The following TNNI3K variants were observed in gnomAD, a reference collection of about 807,000 sequenced individuals.
The protein encoded by TNNI3K is serine/threonine-protein kinase TNNI3K.
Under a neutral mutation model 114.5 loss-of-function variants are expected in TNNI3K, and 140 were observed. That is an observed-to-expected ratio of 1.22 (90% CI 1.07 to 1.41). TNNI3K has a LOEUF of 1.41. Ranked by LOEUF, TNNI3K falls within the 40% of genes most tolerant of loss-of-function variation. The probability of loss-of-function intolerance (pLI) is 0.00; values close to 1 mark genes in which losing one functional copy is unlikely to be tolerated. For missense variants in TNNI3K, 1,125 were observed against 1,007.6 expected, an observed-to-expected ratio of 1.12 and a Z score of -1.58; for synonymous variants, 347 against 347.5, an observed-to-expected ratio of 1.00 and a Z score of 0.02.
intron 4 of TNNI3K, among the ~76,000 whole-genome samples, chr1:74,253,750 C>G (rs1655105140): frequency 6.6e-6 from 1 of 152,144 alleles, no homozygotes; most frequent in Non-Finnish European, 1.5e-5. Flanking sequence ...TCCCCGCAGG[C>G]CGAGGGAGCC....
intron 17 of TNNI3K, among the ~76,000 whole-genome samples, chr1:74,410,046 A>G (rs571402610): frequency 1.4e-3 from 216 of 152,304 alleles, no homozygotes; most frequent in South Asian, 2.7e-3. Context: ...AAAGATAGTT[A>G]AGCTGCAAGA....
At chr1:74,255,901 C>A (rs148781294) in intron 4 of TNNI3K, among the ~76,000 whole-genome samples, 2 of 152,246 alleles carry the variant, frequency 1.3e-5, no homozygotes, top group South Asian at 4.1e-4. Flanking sequence ...TATATGGTTT[C>A]TTGCACTTAT....
intron 17 of TNNI3K, among the ~76,000 whole-genome samples, chr1:74,378,298 T>C (rs1053972658): frequency 5.9e-5 from 9 of 151,980 alleles, no homozygotes; most frequent in African/African-American, 2.2e-4. Context: ...TATTAATATT[T>C]ACAATATGAA....
intron 5 of TNNI3K, among the ~76,000 whole-genome samples, chr1:74,321,766 A>G (rs1274478833): frequency 6.6e-6 from 1 of 152,110 alleles, no homozygotes; most frequent in Non-Finnish European, 1.5e-5. Context: ...GAGAAAGATC[A>G]CATAAAAAGA....
chr1:74,259,007 A>G (rs1186996176), intron 4 of TNNI3K, among the ~76,000 whole-genome samples: 2 of 152,226 alleles, frequency 1.3e-5, no homozygotes, highest in African/African-American at 4.8e-5. Context: ...TCACATGATC[A>G]GTAGCATCCA....
intron 23 of TNNI3K, among the ~76,000 whole-genome samples, chr1:74,526,132 T>C (rs1646501849): frequency 6.6e-6 from 1 of 152,192 alleles, no homozygotes; most frequent in South Asian, 2.1e-4. Context: ...GTTCTGCATG[T>C]TCAAAGAGTT....
At chr1:74,429,964 G>A (rs274576) in intron 17 of TNNI3K, among the ~76,000 whole-genome samples, 4,602 of 152,142 alleles carry the variant, frequency 0.03, 94 homozygotes, top group East Asian at 0.073. Context: ...AAATAAGGAC[G>A]CTGAGAGGTT....
At chr1:74,290,329 G>GA (rs574804699) in intron 5 of TNNI3K, among the ~76,000 whole-genome samples, 2 of 149,760 alleles carry the variant, frequency 1.3e-5, no homozygotes, top group African/African-American at 4.9e-5. Context: ...ATTTGTAATT[G>GA]AAAAAAACCC....
At chr1:74,244,294 G>C (rs564735792) in intron 2 of TNNI3K, among the ~76,000 whole-genome samples, 2 of 152,024 alleles carry the variant, frequency 1.3e-5, no homozygotes, top group African/African-American at 4.8e-5. Context: ...TGAGTTCAAG[G>C]AGGATATAAT....
At position 74,436,062 on chromosome 1, in the gene TNNI3K, T is replaced by C. The variant is rs765726629; in HGVS notation, c.1773-18T>C. The C allele has an allele frequency of 2.9e-5, 46 of 1,569,630 alleles. No homozygotes were observed. The African/African-American group carries it at 3.9e-4, about 13-fold the overall frequency. ...AAGCTTACTCAATGTCTACTTTTTT[T>C]TTTTTTTTTTTTTACAGTCACAATA... On this transcript the variant is annotated intron_variant, in intron 17 of 24. Coordinates refer to ENST00000326637, the MANE Select transcript of TNNI3K (RefSeq NM_015978.3).
Position 74,395,342 on chromosome 1 carries a change from C to CAG in TNNI3K, c.1772+24950_1772+24951insAG, listed in dbSNP as rs1553141047. Among the ~76,000 whole-genome samples, 195 of 152,038 alleles carry CAG rather than the reference C, an allele frequency of 1.3e-3. 1 individual carries two copies. The highest frequency in any genetic ancestry group is 4.3e-3 in the African/African-American group (179 of 41,466). On this transcript the variant is annotated intron_variant, in intron 17 of 24. Transcript: ENST00000326637. ...GACCTGGTGGCCTATATGGGGAACT[C>CAG]TGCCTGCATGGAGTGGGACTCCAGC...
At chr1:74,291,188 C>T (rs1657656304) in intron 5 of TNNI3K, among the ~76,000 whole-genome samples, 2 of 151,480 alleles carry the variant, frequency 1.3e-5, no homozygotes, top group South Asian at 4.1e-4. Context: ...CCTTTGCTTT[C>T]CTAGATATTA....
Position 74,439,543 on chromosome 1 carries a change from C to G in TNNI3K, c.1932C>G (p.Ile644Met). The G allele has an allele frequency of 6.2e-7, 1 of 1,613,526 alleles. No individual in the cohort carries two copies. Residue 644 changes from isoleucine to methionine, a missense_variant, in exon 20 of 25, where the codon ATC becomes ATG. Ile to Met is a conservative substitution (Grantham distance 10). Transcript: ENST00000326637. ...TCACGCAGTGCACTCGGTACACCAT[C>G]AAAGCAGATGTCTTCAGCTATGCTC... is the stretch of plus-strand genomic sequence containing the variant. ...EVFTQCTRYT[I>M]KADVFSYALC...
intron 21 of TNNI3K, chr1:74,480,134 A>G (rs1226339569): frequency 2.0e-5 from 14 of 705,836 alleles, no homozygotes; most frequent in Non-Finnish European, 3.7e-5. Context: ...AGAGGAGGGC[A>G]CACTTCTCCC....
chr1:74,361,115 G>A (rs1339754993), intron 11 of TNNI3K, among the ~76,000 whole-genome samples: 1 of 151,990 alleles, frequency 6.6e-6, no homozygotes, highest in Non-Finnish European at 1.5e-5. Flanking sequence ...AAATATCATA[G>A]GTTCCTTATT....
At chr1:74,252,068 A>G (rs902523756) in intron 4 of TNNI3K, among the ~76,000 whole-genome samples, 1 of 152,218 alleles carries the variant, frequency 6.6e-6, no homozygotes, top group Non-Finnish European at 1.5e-5. Context: ...AATGATAGTC[A>G]TGGCACTGTA....
intron 4 of TNNI3K, among the ~76,000 whole-genome samples, chr1:74,266,379 A>C (rs1392381255): frequency 3.9e-5 from 6 of 151,922 alleles, no homozygotes; most frequent in Non-Finnish European, 8.8e-5. Context: ...GGGCTCCCAG[A>C]GTGTGTTTTT....
chr1:74,451,005 C>T (rs1225037094), intron 20 of TNNI3K, among the ~76,000 whole-genome samples: 1 of 152,108 alleles, frequency 6.6e-6, no homozygotes, highest in Non-Finnish European at 1.5e-5. Flanking sequence ...AACCCAAATG[C>T]CCATCAATTA....
chr1:74,465,650 A>G (rs111973427), intron 21 of TNNI3K, among the ~76,000 whole-genome samples: 2,092 of 152,264 alleles, frequency 0.014, 40 homozygotes, highest in African/African-American at 0.048. Context: ...CAGGCGCATG[A>G]TGCAGGACTG....
Sources: allele counts gnomAD v4.1 joint callset (sites outside exome capture counted in the v4.1 genomes callset), GRCh38; gene constraint gnomAD v4.1.1; transcripts MANE v1.5; gene names NCBI Gene and HGNC (gene_info 2026-07-23, HGNC 2026-07-21).